ANK2: variants seen among roughly 807,000 people sequenced by gnomAD.
ANK2 encodes the protein ankyrin 2, also known as ankyrin-2.
Under a neutral mutation model 360.5 loss-of-function variants are expected in ANK2, and 83 were observed. The observed-to-expected ratio is 0.23, with a 90% confidence interval of 0.19 to 0.28. The LOEUF is 0.28. ANK2 is among the 10% of genes least tolerant of loss of function. The pLI is 1.00. For synonymous variants in ANK2, 1,740 were observed against 1,759.5 expected, an observed-to-expected ratio of 0.99 and a Z score of 0.28; for missense variants, 4,201 against 4,795.7, an observed-to-expected ratio of 0.88 and a Z score of 3.66.
At chr4:113,281,461 GC>G in intron 17 of ANK2, among the ~76,000 whole-genome samples, 1 of 152,000 alleles carries the variant, frequency 6.6e-6, no homozygotes, top group Non-Finnish European at 1.5e-5. Flanking sequence ...GATCACTTGA[GC>G]CCAGGAGGTG....
the ANK2 span, among the ~76,000 whole-genome samples, chr4:112,740,824 T>C: frequency 2.6e-5 from 4 of 151,854 alleles, no homozygotes; most frequent in African/African-American, 9.7e-5. Context: ...ACCCCATCTC[T>C]ACTAAAAAAT....
At position 113,381,529 on chromosome 4, in the gene ANK2, G is replaced by A. The variant is rs759977804; in HGVS notation, c.*58G>A. ...ACCAGCATGGAAAACGCATTGACTT[G>A]GAGCACCTGGAGGATGTACCAGAAG... On this transcript the variant is annotated 3_prime_UTR_variant, in exon 46 of 46. Transcript: ENST00000357077. The A allele has an allele frequency of 1.7e-5, 27 of 1,613,528 alleles. No homozygotes were observed. Among genetic ancestry groups the A allele is most frequent in the South Asian group, 4.4e-5 (4 of 90,990 alleles).
intron 1 of ANK2, among the ~76,000 whole-genome samples, chr4:112,840,653 A>G (rs777687220): frequency 1.3e-5 from 2 of 152,224 alleles, no homozygotes; most frequent in African/African-American, 2.4e-5. Flanking sequence ...AAGATAAAAC[A>G]ATAAGAGTTA....
chr4:112,712,401 TA>T, the ANK2 span, among the ~76,000 whole-genome samples: 1,821 of 57,034 alleles, frequency 0.032, 26 homozygotes, highest in South Asian at 0.079. Flanking sequence ...TATATATATA[TA>T]TATATTTTTT....
intron 1 of ANK2, among the ~76,000 whole-genome samples, chr4:113,112,718 G>A (rs1464060752): frequency 6.6e-6 from 1 of 152,164 alleles, no homozygotes; most frequent in Non-Finnish European, 1.5e-5. Context: ...TGAAACTTCA[G>A]AAGTGTTATG....
At chr4:112,908,089 A>G (rs2150971191) in intron 2 of ANK2, among the ~76,000 whole-genome samples, 1 of 152,338 alleles carries the variant, frequency 6.6e-6, no homozygotes, top group Non-Finnish European at 1.5e-5. Context: ...AGTTTTCAAG[A>G]AAACCATACT....
At chr4:113,318,036 C>G (rs2083867629) in intron 25 of ANK2, among the ~76,000 whole-genome samples, 1 of 152,124 alleles carries the variant, frequency 6.6e-6, no homozygotes, top group African/African-American at 2.4e-5. Context: ...ATTTCTTCAG[C>G]TATACTGAAT....
chr4:112,733,984 A>G, the ANK2 span, among the ~76,000 whole-genome samples: 1 of 152,238 alleles, frequency 6.6e-6, no homozygotes, highest in Non-Finnish European at 1.5e-5. Context: ...CATGTTGGCC[A>G]GGCTGGTCTC....
At chr4:112,982,876 G>T (rs2043542673) in intron 2 of ANK2, among the ~76,000 whole-genome samples, 1 of 152,136 alleles carries the variant, frequency 6.6e-6, no homozygotes. Context: ...AAGAAAAAAA[G>T]AGAGATGAAA....
intron 2 of ANK2, among the ~76,000 whole-genome samples, chr4:112,972,893 A>G (rs181712673): frequency 2.0e-5 from 3 of 152,280 alleles, no homozygotes; most frequent in Non-Finnish European, 2.9e-5. Flanking sequence ...GCTGGAGGCC[A>G]TTATTCTAAG....
At chr4:113,115,543 C>T (rs762645377) in intron 1 of ANK2, among the ~76,000 whole-genome samples, 5 of 152,140 alleles carry the variant, frequency 3.3e-5, no homozygotes, top group Non-Finnish European at 7.4e-5. Flanking sequence ...CTCTGTACTA[C>T]TGTGGAATGC....
rs2154093874 is a variant in ANK2, at chr4:113,383,432, G to A, written c.*1961G>A. 1 of 152,710 alleles carries A rather than the reference G, an allele frequency of 6.5e-6. No homozygotes were observed. The highest frequency in any genetic ancestry group is 3.4e-3 in the Middle Eastern group (1 of 294). The allele number at this position is 152,710 out of a possible 1,614,324, so 9.5% of individuals were successfully genotyped here. ...CCTTCTTGTCAAAACCTTCACTGGAGCTCAAGAAAAGCATTTCTGTTGTGT... is the reference window on the plus strand; with the variant it reads ...CCTTCTTGTCAAAACCTTCACTGGAACTCAAGAAAAGCATTTCTGTTGTGT... On this transcript the variant is annotated 3_prime_UTR_variant, in exon 46 of 46. Coordinates refer to ENST00000357077, the MANE Select transcript of ANK2 (RefSeq NM_001148.6).
At chr4:112,794,264 A>T in the ANK2 span, among the ~76,000 whole-genome samples, 1 of 152,224 alleles carries the variant, frequency 6.6e-6, no homozygotes, top group South Asian at 2.1e-4. Flanking sequence ...GATGTCTTAT[A>T]AAATTTGTTG....
intron 26 of ANK2, 76 bp from the exon 27 acceptor site, chr4:113,330,169 GA>G: frequency 7.1e-7 from 1 of 1,408,220 alleles, no homozygotes; most frequent in Non-Finnish European, 9.8e-7. Context: ...AAAGCATTAC[GA>G]AAAACAACTT....
At chr4:112,955,846 A>G (rs1046973480) in intron 2 of ANK2, among the ~76,000 whole-genome samples, 1 of 152,198 alleles carries the variant, frequency 6.6e-6, no homozygotes, top group Non-Finnish European at 1.5e-5. Flanking sequence ...TGTTTTCTAA[A>G]CAAATTTTCT....
chr4:113,063,160 T>C (rs1026701610), intron 1 of ANK2, among the ~76,000 whole-genome samples: 5 of 147,964 alleles, frequency 3.4e-5, no homozygotes, highest in Non-Finnish European at 6.1e-5. Flanking sequence ...GTGTGTGTAT[T>C]TGAGCCAAAT....
At chr4:112,849,496 A>G (rs1422218361) in intron 1 of ANK2, among the ~76,000 whole-genome samples, 1 of 151,778 alleles carries the variant, frequency 6.6e-6, no homozygotes, top group African/African-American at 2.4e-5. Flanking sequence ...CTGGTTTATT[A>G]CTCCTTTCTG....
At chr4:113,272,755 T>C (rs1250538904) in intron 14 of ANK2, among the ~76,000 whole-genome samples, 1 of 152,176 alleles carries the variant, frequency 6.6e-6, no homozygotes. Flanking sequence ...AGAGTCATCA[T>C]TGCTCCAACT....
At position 112,957,700 on chromosome 4, in the gene ANK2, C is replaced by T. The variant is rs548733447; in HGVS notation, c.21+53186C>T. 2.2e-3 allele frequency among the ~76,000 whole-genome samples: 334 copies of T among 151,428 alleles called. 1 individual carries two copies. The highest frequency in any genetic ancestry group is 7.9e-3 in the African/African-American group (325 of 40,990). On this transcript the variant is annotated intron_variant, in intron 2 of 30. Coordinates refer to the ANK2 transcript ENST00000503271. ...GGCTGGCTGGGCGGGGGGCTGACCC[C>T]CCCACCTCCCTCCCGGACGGGGTGG...
Sources: allele counts gnomAD v4.1 joint callset (sites outside exome capture counted in the v4.1 genomes callset), GRCh38; gene constraint gnomAD v4.1.1; transcripts MANE v1.5; gene names NCBI Gene and HGNC (gene_info 2026-07-23, HGNC 2026-07-21).